The following N4BP2L1 variants were observed in gnomAD, a reference collection of about 807,000 sequenced individuals.
N4BP2L1 encodes NEDD4-binding protein 2-like 1.
Under a neutral mutation model 21.2 loss-of-function variants are expected in N4BP2L1, and 12 were observed. The ratio of observed to expected loss-of-function variants is 0.57; its 90% CI spans 0.36 to 0.92. N4BP2L1 has a LOEUF of 0.92. Ranked by LOEUF, N4BP2L1 falls within the 40% of genes least tolerant of loss-of-function variation. The probability of loss-of-function intolerance (pLI) is 0.01; values close to 1 mark genes in which losing one functional copy is unlikely to be tolerated. For synonymous variants in N4BP2L1, 104 were observed against 112.8 expected, an observed-to-expected ratio of 0.92 and a Z score of 0.49; for missense variants, 259 against 310.6, an observed-to-expected ratio of 0.83 and a Z score of 1.25.
intron 1 of N4BP2L1, among the ~76,000 whole-genome samples, chr13:32,427,473 G>A (rs1360237480): frequency 6.6e-6 from 1 of 152,222 alleles, no homozygotes; most frequent in Non-Finnish European, 1.5e-5. Context: ...GGGTTTTCCC[G>A]AAGAAGAGTC....
At chr13:32,423,010 G>A (rs1175083068) in intron 1 of N4BP2L1, among the ~76,000 whole-genome samples, 1 of 152,150 alleles carries the variant, frequency 6.6e-6, no homozygotes, top group Non-Finnish European at 1.5e-5. Context: ...CCACAGTCCA[G>A]GCCTGCTGGC....
At position 32,402,363 on chromosome 13, in the gene N4BP2L1, TC is replaced by T. The variant is rs1202639713; in HGVS notation, c.*578del. On this transcript the variant is annotated 3_prime_UTR_variant, in exon 5 of 5. Transcript: ENST00000380130. ...ACATCATTAAAATAAAGAAATAACT[TC>T]CCAAAGTGTCTACTTTGAAGGACAA... The T allele has an allele frequency of 1.5e-6, 1 of 647,022 alleles. No homozygotes were observed. The highest frequency in any genetic ancestry group is 1.9e-6 in the Non-Finnish European group (1 of 521,262). The allele number at this position is 647,022 out of a possible 1,614,324, so 40.1% of individuals were successfully genotyped here. A position where few individuals can be genotyped will look rare whatever the true frequency, so the allele number is the denominator to read the frequency against.
chr13:32,417,202 T>G (rs1001192997), intron 1 of N4BP2L1, among the ~76,000 whole-genome samples: 1 of 152,188 alleles, frequency 6.6e-6, no homozygotes, highest in African/African-American at 2.4e-5. Context: ...AACCTTAGAT[T>G]CAGTTCGTCC....
At chr13:32,419,668 C>G (rs1305109978) in intron 1 of N4BP2L1, among the ~76,000 whole-genome samples, 1 of 152,074 alleles carries the variant, frequency 6.6e-6, no homozygotes, top group East Asian at 1.9e-4. Flanking sequence ...CCTTCCACCA[C>G]GATTGTAAGT....
At chr13:32,403,672 T>C (rs775267558) in intron 4 of N4BP2L1, 2 of 535,316 alleles carry the variant, frequency 3.7e-6, no homozygotes, top group East Asian at 1.1e-4. Flanking sequence ...TTCCAACTAC[T>C]GAATGGGGTC....
At chr13:32,422,069 T>C (rs1248343741) in intron 1 of N4BP2L1, among the ~76,000 whole-genome samples, 1 of 152,200 alleles carries the variant, frequency 6.6e-6, no homozygotes. Flanking sequence ...CCAGGATAAA[T>C]ATGGAAACGT....
chr13:32,424,088 T>C (rs2074633014), intron 1 of N4BP2L1, among the ~76,000 whole-genome samples: 1 of 152,210 alleles, frequency 6.6e-6, no homozygotes, highest in Non-Finnish European at 1.5e-5. Context: ...CTGCTGAGAA[T>C]GAAAGGGTCT....
intron 1 of N4BP2L1, among the ~76,000 whole-genome samples, chr13:32,424,700 T>C (rs961737919): frequency 6.6e-6 from 1 of 152,210 alleles, no homozygotes; most frequent in Non-Finnish European, 1.5e-5. Flanking sequence ...ATCTGTAATA[T>C]GCTTTTTAAA....
chr13:32,403,500 A>T (rs35563967), intron 4 of N4BP2L1, among the ~76,000 whole-genome samples: 4,167 of 152,290 alleles, frequency 0.027, 175 homozygotes, highest in African/African-American at 0.094. Flanking sequence ...TGAGATTTTT[A>T]AAAAATCATA....
chr13:32,422,041 C>G (rs1166278781), intron 1 of N4BP2L1, among the ~76,000 whole-genome samples: 1 of 152,120 alleles, frequency 6.6e-6, no homozygotes, highest in African/African-American at 2.4e-5. Context: ...TACCACATCT[C>G]TCTCCAACAC....
rs2073130233 is a variant in N4BP2L1 at position 32,401,539 on chromosome 13, CAG to C, written c.*1401_*1402del. 6.6e-6 allele frequency: 1 copy of C among 152,136 alleles called. No individual in the cohort carries two copies. Among genetic ancestry groups the C allele is most frequent in the Admixed American group, 6.5e-5 (1 of 15,268 alleles). 9.4% of individuals were successfully genotyped at this position (152,136 alleles called of 1,614,324 possible). ...TAACGTTAAAACAGTCTCATGTACA[CAG>C]ATCAAATATATAAGCAACTAAATTA... is the stretch of plus-strand genomic sequence containing the variant. On this transcript the variant is annotated 3_prime_UTR_variant, in exon 5 of 5. Coordinates refer to ENST00000380130, the MANE Select transcript of N4BP2L1 (RefSeq NM_052818.3).
chr13:32,427,182 C>T lies in N4BP2L1; in HGVS notation c.179+722G>A, dbSNP rs2074818623. 2.0e-5 allele frequency among the ~76,000 whole-genome samples: 3 copies of T among 152,240 alleles called. No homozygotes were observed. The East Asian group carries it at 5.8e-4, about 29-fold the overall frequency. On this transcript the variant is annotated intron_variant, in intron 1 of 4. Coordinates refer to ENST00000380130, the MANE Select transcript of N4BP2L1 (RefSeq NM_052818.3). The stretch of plus-strand genomic sequence containing the variant: ...TTCGCAAGTGAACGAATTTGGGCGC[C>T]CATGGCGAGGCTCTGTCAGTGACGG...
In N4BP2L1 at chr13:32,402,066, A is replaced by C. The variant is rs2073158319; in HGVS notation, c.*876T>G. The stretch of plus-strand genomic sequence containing the variant: ...GTATGACCTATATCCTGGGGTGCCT[A>C]ATTTCTTGCACTCCCAAACATTTGA... On this transcript the variant is annotated 3_prime_UTR_variant, in exon 5 of 5. Coordinates refer to ENST00000380130, the MANE Select transcript of N4BP2L1 (RefSeq NM_052818.3). 1.0e-6 allele frequency: 1 copy of C among 985,276 alleles called. No individual in the cohort carries two copies. Among genetic ancestry groups the C allele is most frequent in the African/African-American group, 1.7e-5 (1 of 57,236 alleles). The allele number at this position is 985,276 out of a possible 1,614,324, so 61.0% of individuals were successfully genotyped here.
chr13:32,415,233 C>T (rs899621330), intron 1 of N4BP2L1, among the ~76,000 whole-genome samples: 1 of 152,126 alleles, frequency 6.6e-6, no homozygotes, highest in Non-Finnish European at 1.5e-5. Flanking sequence ...GGCCAGGCTG[C>T]ACCTCCATGT....
At chr13:32,419,239 CTTTTT>C (rs34280009) in intron 1 of N4BP2L1, among the ~76,000 whole-genome samples, 2 of 61,304 alleles carry the variant, frequency 3.3e-5, no homozygotes, top group Non-Finnish European at 2.8e-5. Flanking sequence ...CAAGATCTGG[CTTTTT>C]TTTTTTTTTT....
intron 1 of N4BP2L1, among the ~76,000 whole-genome samples, chr13:32,419,952 C>T (rs1385248490): frequency 6.6e-6 from 1 of 152,186 alleles, no homozygotes; most frequent in Non-Finnish European, 1.5e-5. Context: ...CTATAGATGA[C>T]ATGGGCAGCC....
chr13:32,414,434 C>T (rs746504154), intron 1 of N4BP2L1, among the ~76,000 whole-genome samples: 18 of 152,128 alleles, frequency 1.2e-4, no homozygotes, highest in Non-Finnish European at 1.8e-4. Context: ...TGCACTTTCA[C>T]GTCCTTTGGT....
chr13:32,411,612 G>C (rs2073865138), intron 1 of N4BP2L1: 1 of 984,968 alleles, frequency 1.0e-6, no homozygotes, highest in African/African-American at 1.7e-5. Context: ...TAGGGAAATT[G>C]AGAGAATGAA....
chr13:32,419,412 A>ATTT lies in N4BP2L1; in HGVS notation c.179+8489_179+8491dup, dbSNP rs71071039. On this transcript the variant is annotated intron_variant, in intron 1 of 4. Coordinates refer to ENST00000380130, the MANE Select transcript of N4BP2L1 (RefSeq NM_052818.3). The stretch of plus-strand genomic sequence containing the variant: ...GGGTGCTTGCCACCATGCTTGGCTA[A>ATTT]TTTTTTTTTTTTTTTTTTTTTTTTT... The ATTT allele has an allele frequency of 5.1e-3, 1,452 of 284,208 alleles. 95 individuals are homozygous for ATTT. The highest frequency in any genetic ancestry group is 0.012 in the Middle Eastern group (8 of 690). The allele number at this position is 284,208 out of a possible 1,614,324, so 17.6% of individuals were successfully genotyped here.
Sources: gnomAD v4.1 joint callset for allele counts (sites outside exome capture counted in the v4.1 genomes callset) on GRCh38, gnomAD v4.1.1 for gene constraint, MANE v1.5 for transcripts, NCBI Gene and HGNC (gene_info 2026-07-23, HGNC 2026-07-21) for gene names.